The following ZNF25 variants were observed in gnomAD, a reference collection of about 807,000 sequenced individuals.
ZNF25 encodes the protein zinc finger protein 25.
In ZNF25, 21 loss-of-function variants were observed where a neutral mutation model predicts 30.9. The ratio of observed to expected loss-of-function variants is 0.68; its 90% confidence interval spans 0.48 to 0.98. The LOEUF is 0.98. Among genes scored for constraint, ZNF25 ranks in the 50% least tolerant of loss-of-function variants. The pLI is 0.00. For missense variants in ZNF25, 501 were observed against 529.9 expected, an observed-to-expected ratio of 0.95 and a Z score of 0.54; for synonymous variants, 169 against 181.3, an observed-to-expected ratio of 0.93 and a Z score of 0.55.
intron 1 of ZNF25, among the ~76,000 whole-genome samples, chr10:37,975,317 T>C (rs539374176): frequency 8.5e-5 from 13 of 152,234 alleles, no homozygotes; most frequent in African/African-American, 3.1e-4. Flanking sequence ...ATTACCCCGA[T>C]TTGATCATGA....
chr10:37,952,043 T>A lies in ZNF25; in HGVS notation c.*84A>T. ...GTAGCTGAAAATTTCCCTCTATTGA[T>A]GCGATTCATAAGGTGTACCTCTTGT... On this transcript the variant is annotated 3_prime_UTR_variant, in exon 6 of 6. Coordinates refer to ENST00000302609, the MANE Select transcript of ZNF25 (RefSeq NM_145011.4). 2 of 1,315,092 alleles carry A rather than the reference T, an allele frequency of 1.5e-6. No individual in the cohort carries two copies. Among genetic ancestry groups the A allele is most frequent in the Middle Eastern group, 2.3e-4 (1 of 4,396 alleles). The allele number at this position is 1,315,092 out of a possible 1,614,324, so 81.5% of individuals were successfully genotyped here.
In ZNF25 at chr10:37,952,969, T is replaced by C. The variant is rs143580401; in HGVS notation, c.529A>G (p.Lys177Glu). ...IHTRDKTYEC[K>E]ECKKIFYHLS... The stretch of plus-strand genomic sequence containing the variant: ...TGGTAAAATATTTTCTTACATTCTT[T>C]ACACTCATAGGTTTTATCTCTCGTG... Residue 177 changes from lysine to glutamate, a missense_variant, in exon 6 of 6, where the codon AAA (lysine) becomes GAA (glutamate). Coordinates refer to ENST00000302609, the MANE Select transcript of ZNF25 (RefSeq NM_145011.4). The C allele has an allele frequency of 1.6e-5, 26 of 1,614,076 alleles. No homozygotes were observed. In the African/African-American group the frequency reaches 3.2e-4, roughly 20 times the overall value.
intron 5 of ZNF25, 25 bp downstream of exon 5, chr10:37,953,670 C>T (rs1445750524): frequency 1.2e-6 from 2 of 1,611,170 alleles, no homozygotes; most frequent in Admixed American, 1.7e-5. Context: ...AATCTTCTAT[C>T]TTAAACATTA....
intron 2 of ZNF25, among the ~76,000 whole-genome samples, chr10:37,962,722 A>C (rs534983066): frequency 6.6e-6 from 1 of 152,306 alleles, no homozygotes; most frequent in East Asian, 1.9e-4. Flanking sequence ...TGAAAAGGGG[A>C]ATAGTTACAA....
In ZNF25 at chr10:37,949,923, T is replaced by A. The variant is rs2062055822; in HGVS notation, c.*2204A>T. The A allele has an allele frequency of 6.6e-6, 1 of 152,650 alleles. No individual in the cohort carries two copies. Among genetic ancestry groups the A allele is most frequent in the Admixed American group, 6.5e-5 (1 of 15,280 alleles). The allele number at this position is 152,650 out of a possible 1,614,324, so 9.5% of individuals were successfully genotyped here. On this transcript the variant is annotated 3_prime_UTR_variant, in exon 6 of 6. Transcript: ENST00000302609. The stretch of plus-strand genomic sequence containing the variant: ...TGCTACATTCCATCAAGAAATTTCT[T>A]GTTTTGATGTTATGACAATTTAGCA...
Position 37,951,338 on chromosome 10 carries a change from G to C in ZNF25, c.*789C>G, listed in dbSNP as rs969117016. ...GATTCCACATGCACGCTGAACATCC[G>C]CAAGTTACATGTTATAGCACACTCA... On this transcript the variant is annotated 3_prime_UTR_variant, in exon 6 of 6. Transcript: ENST00000302609. The C allele has an allele frequency of 6.6e-6, 1 of 152,444 alleles. No individual in the cohort carries two copies. Among genetic ancestry groups the C allele is most frequent in the Non-Finnish European group, 1.5e-5 (1 of 68,014 alleles). 9.4% of individuals were successfully genotyped at this position (152,444 alleles called of 1,614,324 possible).
At chr10:37,971,630 AACAC>A (rs4007126) in intron 2 of ZNF25, 74 bp downstream of exon 2, 78,842 of 1,374,366 alleles carry the variant, frequency 0.057, 595 homozygotes, top group Admixed American at 0.14. Context: ...AAACTCATTA[AACAC>A]ACACACACAC....
Position 37,952,129 on chromosome 10 carries a change from A to T in ZNF25, c.1369T>A (p.Ter457LysextTer9), listed in dbSNP as rs2062173623. The T allele has an allele frequency of 6.4e-7, 1 of 1,551,362 alleles. No individual in the cohort carries two copies. The highest frequency in any genetic ancestry group is 8.7e-7 in the Non-Finnish European group (1 of 1,151,668). Reference protein sequence around the residue: ...THTKKRNAEK* With the variant: ...THTKKRNAEKK ...TCAAGAGAATTTCCCAACTCATCTTACTTCTCAGCATTCCTCTTCTTTGTG... is the reference window on the plus strand; with the variant it reads ...TCAAGAGAATTTCCCAACTCATCTTTCTTCTCAGCATTCCTCTTCTTTGTG... Residue 457 changes from the stop codon to lysine, a stop_lost, in exon 6 of 6, where the codon TAA (stop) becomes AAA (lysine). Transcript: ENST00000302609.
At chr10:37,972,898 T>C (rs1474593897) in intron 1 of ZNF25, among the ~76,000 whole-genome samples, 1 of 152,196 alleles carries the variant, frequency 6.6e-6, no homozygotes, top group Non-Finnish European at 1.5e-5. Flanking sequence ...CCAGGCACGG[T>C]GGCTCACGCC....
intron 2 of ZNF25, among the ~76,000 whole-genome samples, chr10:37,969,380 A>G (rs931413401): frequency 3.9e-5 from 6 of 152,262 alleles, no homozygotes; most frequent in Non-Finnish European, 7.3e-5. Context: ...ATGTCTGTCA[A>G]TGGATGAATG....
intron 5 of ZNF25, chr10:37,953,402 C>T (rs575133162): frequency 8.2e-6 from 5 of 612,040 alleles, no homozygotes; most frequent in African/African-American, 5.5e-5. Context: ...TCTGCATTTG[C>T]ATTCTATTCA....
At chr10:37,958,246 A>C (rs2062650476) in intron 2 of ZNF25, among the ~76,000 whole-genome samples, 1 of 152,206 alleles carries the variant, frequency 6.6e-6, no homozygotes, top group Non-Finnish European at 1.5e-5. Flanking sequence ...AATGGGGGTA[A>C]TTATTTGCAT....
Position 37,952,727 on chromosome 10 carries a change from G to C in ZNF25, c.771C>G (p.Pro257=), listed in dbSNP as rs1416985188. The change falls in exon 6 of 6, where the codon CCC becomes CCG. Residue 257 remains proline, a synonymous_variant. Coordinates refer to ENST00000302609, the MANE Select transcript of ZNF25 (RefSeq NM_145011.4). ...VHQKTHTGEK[P]YECKECGKAF... ...CTTTCCCACACTCCTTACACTCATA[G>C]GGTTTCTCCCCTGTGTGTGTTTTCT... 1 of 1,613,870 alleles carries C rather than the reference G, an allele frequency of 6.2e-7. No individual in the cohort carries two copies.
intron 2 of ZNF25, among the ~76,000 whole-genome samples, chr10:37,965,689 T>C (rs1028211685): frequency 1.1e-4 from 17 of 152,154 alleles, no homozygotes; most frequent in African/African-American, 4.1e-4. Flanking sequence ...TCAAGGCCAT[T>C]TGAAGCTATA....
rs1327077148 is a variant in ZNF25 at position 37,971,709 on chromosome 10, T to C, written c.14A>G (p.Gln5Arg). 2 of 1,613,370 alleles carry C rather than the reference T, an allele frequency of 1.2e-6. No homozygotes were observed. Among genetic ancestry groups the C allele is most frequent in the Non-Finnish European group, 1.7e-6 (2 of 1,179,886 alleles). ...GTTAGGGCTAAGTAAATGACTCACC[T>C]GGAACTTGTTCATTTTCTGCTGCTC... MNKFQGPVTLKDVIV... is the reference protein window; with the variant it reads MNKFRGPVTLKDVIV... Residue 5 changes from glutamine (Q) to arginine (R), a missense_variant and splice_region_variant, in exon 2 of 6, where the codon CAG (glutamine) becomes CGG (arginine). Transcript: ENST00000302609.
intron 4 of ZNF25, among the ~76,000 whole-genome samples, chr10:37,955,585 C>A (rs1208986597): frequency 6.6e-6 from 1 of 152,136 alleles, no homozygotes; most frequent in African/African-American, 2.4e-5. Context: ...AAAACCAATG[C>A]ATTGGCTTTA....
At chr10:37,972,696 C>T (rs562492567) in intron 1 of ZNF25, among the ~76,000 whole-genome samples, 104 of 152,230 alleles carry the variant, frequency 6.8e-4, no homozygotes, top group African/African-American at 2.3e-3. Context: ...TCCTAAGGTC[C>T]TTTTCATAAG....
In ZNF25 at chr10:37,949,856, C is replaced by T. The variant is rs2062053771; in HGVS notation, c.*2271G>A. 6.6e-6 allele frequency: 1 copy of T among 152,514 alleles called. No individual in the cohort carries two copies. Among genetic ancestry groups the T allele is most frequent in the Non-Finnish European group, 1.5e-5 (1 of 68,030 alleles). The allele number at this position is 152,514 out of a possible 1,614,324, so 9.4% of individuals were successfully genotyped here. ...AATACTGTGGGGCAGTATCAATGAA[C>T]AATTCGACTTAATTTAGACAATGTT... On this transcript the variant is annotated 3_prime_UTR_variant, in exon 6 of 6. Transcript: ENST00000302609.
rs1271807661 is a variant in ZNF25, at chr10:37,953,676, C to T, written c.302+19G>A. On this transcript the variant is annotated intron_variant, in intron 5 of 5. Transcript: ENST00000302609. Reference sequence around the variant, plus strand: ...TTGCTTACAAATCTTCTATCTTAAACATTAATTCTTGAACTTGCCTTGAAT... The same window carrying T: ...TTGCTTACAAATCTTCTATCTTAAATATTAATTCTTGAACTTGCCTTGAAT... 1 of 1,612,208 alleles carries T rather than the reference C, an allele frequency of 6.2e-7. No homozygotes were observed. Among genetic ancestry groups the T allele is most frequent in the Admixed American group, 1.7e-5 (1 of 59,988 alleles).
Sources: allele counts gnomAD v4.1 joint callset (sites outside exome capture counted in the v4.1 genomes callset), GRCh38; gene constraint gnomAD v4.1.1; transcripts MANE v1.5; gene names NCBI Gene and HGNC (gene_info 2026-07-23, HGNC 2026-07-21).